HCN1: variants seen among roughly 807,000 people sequenced by gnomAD.
The protein encoded by HCN1 is potassium/sodium hyperpolarization-activated cyclic nucleotide-gated channel 1.
Under a neutral mutation model 78.9 loss-of-function variants are expected in HCN1, and 13 were observed. The ratio of observed to expected loss-of-function variants is 0.16; its 90% confidence interval spans 0.11 to 0.26. The LOEUF is 0.26. Ranked by LOEUF, HCN1 falls within the 10% of genes least tolerant of loss-of-function variation. HCN1 has a pLI of 1.00. For missense variants in HCN1, 810 were observed against 1,154.3 expected, an observed-to-expected ratio of 0.70 and a Z score of 4.32; for synonymous variants, 552 against 455.5, an observed-to-expected ratio of 1.21 and a Z score of -2.70.
At chr5:45,375,317 A>C (rs981916137) in intron 4 of HCN1, among the ~76,000 whole-genome samples, 14 of 114,996 alleles carry the variant, frequency 1.2e-4, no homozygotes, top group African/African-American at 4.5e-4. Flanking sequence ...AATATATATA[A>C]TATAATATTT....
chr5:45,278,599 TA>T (rs1361361598), intron 6 of HCN1, among the ~76,000 whole-genome samples: 1 of 152,150 alleles, frequency 6.6e-6, no homozygotes, highest in African/African-American at 2.4e-5. Context: ...GTTTTGAGTT[TA>T]AAAAGTTTGT....
intron 4 of HCN1, among the ~76,000 whole-genome samples, chr5:45,356,684 G>A (rs1206574512): frequency 6.6e-6 from 1 of 151,884 alleles, no homozygotes; most frequent in Non-Finnish European, 1.5e-5. Flanking sequence ...GTACCTTTAT[G>A]CACCATGTTT....
At chr5:45,314,365 C>T (rs377710788) in intron 5 of HCN1, among the ~76,000 whole-genome samples, 1 of 151,844 alleles carries the variant, frequency 6.6e-6, no homozygotes, top group Non-Finnish European at 1.5e-5. Flanking sequence ...GAAAGAAGCA[C>T]TAAACATGGA....
intron 2 of HCN1, chr5:45,576,512 T>C (rs1313430164): frequency 2.0e-5 from 3 of 152,002 alleles, no homozygotes; most frequent in African/African-American, 7.2e-5. Flanking sequence ...ATTGCCACAG[T>C]CACCCCAACT....
chr5:45,266,471 GTTCTATTTCAA>G (rs1744859777), intron 7 of HCN1, among the ~76,000 whole-genome samples: 3 of 152,024 alleles, frequency 2.0e-5, no homozygotes, highest in Non-Finnish European at 4.4e-5. Context: ...CATATTTTTA[GTTCTATTTCAA>G]TGCTATCTAG....
At chr5:45,617,984 A>AT (rs1403984614) in intron 2 of HCN1, among the ~76,000 whole-genome samples, 53 of 151,522 alleles carry the variant, frequency 3.5e-4, no homozygotes, top group South Asian at 8.3e-4. Flanking sequence ...TCTCTGGTGA[A>AT]ATAACAAAGC....
chr5:45,618,287 G>A (rs1561222132), intron 2 of HCN1, among the ~76,000 whole-genome samples: 1 of 151,996 alleles, frequency 6.6e-6, no homozygotes, highest in East Asian at 1.9e-4. Flanking sequence ...ACTAAAGAAA[G>A]GGACACGGAG....
chr5:45,281,879 T>C (rs530011746), intron 6 of HCN1, among the ~76,000 whole-genome samples: 1 of 152,020 alleles, frequency 6.6e-6, no homozygotes, highest in South Asian at 2.1e-4. Context: ...TGTGAGCCAC[T>C]GAGCCCTGCC....
chr5:45,317,687 G>T (rs1746024503), intron 5 of HCN1, among the ~76,000 whole-genome samples: 1 of 152,002 alleles, frequency 6.6e-6, no homozygotes, highest in Non-Finnish European at 1.5e-5. Flanking sequence ...CTAATATCCA[G>T]AATCTACAAA....
chr5:45,290,358 C>A (rs1397526419), intron 6 of HCN1, among the ~76,000 whole-genome samples: 2 of 152,030 alleles, frequency 1.3e-5, no homozygotes, highest in African/African-American at 4.8e-5. Context: ...ACCTAATTAC[C>A]TTCCAGAGGC....
At chr5:45,626,418 G>A (rs1202323214) in intron 2 of HCN1, among the ~76,000 whole-genome samples, 1 of 152,124 alleles carries the variant, frequency 6.6e-6, no homozygotes, top group Non-Finnish European at 1.5e-5. Context: ...TCTAAGCACT[G>A]AGAATTGTGT....
Position 45,262,477 on chromosome 5 carries a change from G to A in HCN1, c.2117C>T (p.Pro706Leu). The stretch of plus-strand genomic sequence containing the variant: ...AGCGGCCAGAGGGCTCTGTACAGGA[G>A]GGCTGCAGACCGCGGTGGTGTAGGA... ...PCSYTTAVCS[P>L]PVQSPLAART... The change falls in exon 8 of 8, where the codon CCT becomes CTT. Residue 706 changes from proline to leucine, a missense_variant. By Grantham distance (98) the Pro-to-Leu change is moderately conservative. Coordinates refer to ENST00000303230, the MANE Select transcript of HCN1 (RefSeq NM_021072.4). 6.2e-7 allele frequency: 1 copy of A among 1,613,336 alleles called. No individual in the cohort carries two copies. The highest frequency in any genetic ancestry group is 8.5e-7 in the Non-Finnish European group (1 of 1,179,936).
intron 2 of HCN1, among the ~76,000 whole-genome samples, chr5:45,619,878 C>T (rs960130832): frequency 1.3e-5 from 2 of 151,990 alleles, no homozygotes; most frequent in Non-Finnish European, 2.9e-5. Flanking sequence ...TGAGTATAAA[C>T]TGTACTTAGT....
At chr5:45,435,313 G>A (rs1366155616) in intron 3 of HCN1, among the ~76,000 whole-genome samples, 1 of 151,980 alleles carries the variant, frequency 6.6e-6, no homozygotes, top group Non-Finnish European at 1.5e-5. Flanking sequence ...TTGCAGAACA[G>A]AATTAGTAAA....
chr5:45,433,225 C>T (rs929101855), intron 3 of HCN1, among the ~76,000 whole-genome samples: 3 of 152,012 alleles, frequency 2.0e-5, no homozygotes, highest in African/African-American at 7.2e-5. Context: ...CCTACTTTAT[C>T]ATGATGTATT....
intron 1 of HCN1, among the ~76,000 whole-genome samples, chr5:45,646,095 A>T (rs1433664301): frequency 6.6e-6 from 1 of 152,100 alleles, no homozygotes; most frequent in African/African-American, 2.4e-5. Context: ...AATTTTAGTT[A>T]TGCAAATTTA....
chr5:45,554,672 G>A (rs916089985), intron 2 of HCN1, among the ~76,000 whole-genome samples: 3 of 151,736 alleles, frequency 2.0e-5, no homozygotes, highest in Non-Finnish European at 4.4e-5. Flanking sequence ...CTTAAGGCAA[G>A]CAGGAGAAAA....
Position 45,262,093 on chromosome 5 carries a change from G to T in HCN1, c.2501C>A (p.Thr834Asn), listed in dbSNP as rs1744752700. ...GTGLQAGGRS[T>N]VPQRVTLFRQ... ...GAAGAGGGTGACGCGCTGCGGGACA[G>T]TGCTCCTGCCCCCTGCCTGAAGGCC... is the stretch of plus-strand genomic sequence containing the variant. The change falls in exon 8 of 8, where the codon ACT becomes AAT. Residue 834 changes from threonine to asparagine, a missense_variant. Transcript: ENST00000303230. 6.2e-7 allele frequency: 1 copy of T among 1,613,124 alleles called. No homozygotes were observed. Among genetic ancestry groups the T allele is most frequent in the Non-Finnish European group, 8.5e-7 (1 of 1,179,370 alleles).
chr5:45,289,104 T>C (rs576211640), intron 6 of HCN1, among the ~76,000 whole-genome samples: 133 of 152,174 alleles, frequency 8.7e-4, no homozygotes, highest in Non-Finnish European at 1.7e-3. Flanking sequence ...ATTTTAAACC[T>C]AAATACCTCA....
Sources: gnomAD v4.1 joint callset for allele counts (sites outside exome capture counted in the v4.1 genomes callset) on GRCh38, gnomAD v4.1.1 for gene constraint, MANE v1.5 for transcripts, NCBI Gene and HGNC (gene_info 2026-07-23, HGNC 2026-07-21) for gene names.